ALX1: variants seen among roughly 807,000 people sequenced by gnomAD.
ALX1 encodes the protein ALX homeobox protein 1.
Under a neutral mutation model 31.7 loss-of-function variants are expected in ALX1, and 19 were observed. The ratio of observed to expected loss-of-function variants is 0.60; its 90% CI spans 0.42 to 0.88. The LOEUF (loss-of-function observed/expected upper bound fraction) is 0.88, where lower values mean the gene tolerates loss of function less well. ALX1 is among the 40% of genes least tolerant of loss of function. ALX1 has a pLI of 0.00. For synonymous variants in ALX1, 153 were observed against 148.8 expected (o/e 1.03, Z -0.20); for missense variants, 415 against 407.8 (o/e 1.02, Z -0.15).
At chr12:85,288,619 C>T (rs1320118994) in intron 3 of ALX1, among the ~76,000 whole-genome samples, 1 of 151,468 alleles carries the variant, frequency 6.6e-6, no homozygotes, top group Non-Finnish European at 1.5e-5. Context: ...CACTGTATAT[C>T]TGGGCACTGT....
At chr12:85,301,050 C>A in intron 3 of ALX1, 105 bp from the exon 4 acceptor site, 3 of 1,247,944 alleles carry the variant, frequency 2.4e-6, no homozygotes, top group South Asian at 1.3e-5. Context: ...CCAATAGGAG[C>A]AAACAATGAA....
intron 3 of ALX1, 41 bp downstream of exon 3, chr12:85,287,022 T>C (rs745925128): frequency 6.2e-7 from 1 of 1,607,410 alleles, no homozygotes; most frequent in Non-Finnish European, 8.5e-7. Flanking sequence ...GAAAAGGATA[T>C]TTGGTTTGTA....
chr12:85,292,191 A>G (rs181670289), intron 3 of ALX1, among the ~76,000 whole-genome samples: 1 of 151,116 alleles, frequency 6.6e-6, no homozygotes, highest in East Asian at 1.9e-4. Flanking sequence ...AATTAATCCA[A>G]TCTCTGAGTA....
At chr12:85,282,008 T>C (rs891321466) in intron 1 of ALX1, among the ~76,000 whole-genome samples, 4 of 152,162 alleles carry the variant, frequency 2.6e-5, no homozygotes, top group Non-Finnish European at 2.9e-5. Flanking sequence ...AACAAAGAAG[T>C]GTTAAGGAAG....
chr12:85,300,709 C>T (rs13377687), intron 3 of ALX1, among the ~76,000 whole-genome samples: 25,744 of 151,852 alleles, frequency 0.17, 3,769 homozygotes, highest in African/African-American at 0.38. Flanking sequence ...TGGTTTCCAA[C>T]GAAAACTGCC....
At chr12:85,284,018 GTC>G in intron 2 of ALX1, 142 bp downstream of exon 2, 1 of 928,636 alleles carries the variant, frequency 1.1e-6, no homozygotes, top group Non-Finnish European at 1.6e-6. Flanking sequence ...ATGAATATAT[GTC>G]TACTAAAATT....
chr12:85,290,080 C>A (rs1896799126), intron 3 of ALX1, among the ~76,000 whole-genome samples: 1 of 151,146 alleles, frequency 6.6e-6, no homozygotes, highest in Non-Finnish European at 1.5e-5. Flanking sequence ...CATAGAAATA[C>A]ATGAAAAACA....
intron 3 of ALX1, among the ~76,000 whole-genome samples, chr12:85,294,627 A>G (rs532078808): frequency 3.2e-4 from 49 of 151,204 alleles, no homozygotes; most frequent in Non-Finnish European, 6.4e-4. Flanking sequence ...AAACACATTT[A>G]TATGATGTTA....
At chr12:85,284,305 C>T (rs1227624853) in intron 2 of ALX1, among the ~76,000 whole-genome samples, 1 of 147,020 alleles carries the variant, frequency 6.8e-6, no homozygotes, top group Non-Finnish European at 1.5e-5. Context: ...GTATAATAGC[C>T]CATACATCTA....
chr12:85,299,307 C>T (rs1160979563), intron 3 of ALX1, among the ~76,000 whole-genome samples: 1 of 151,334 alleles, frequency 6.6e-6, no homozygotes, highest in Non-Finnish European at 1.5e-5. Flanking sequence ...ACATTAGCAG[C>T]CCTCTTGTTG....
At chr12:85,292,813 C>T (rs527967108) in intron 3 of ALX1, among the ~76,000 whole-genome samples, 2 of 150,834 alleles carry the variant, frequency 1.3e-5, no homozygotes, top group Non-Finnish European at 3.0e-5. Context: ...GACTTGTCTC[C>T]TTCAACCACT....
intron 1 of ALX1, among the ~76,000 whole-genome samples, chr12:85,280,948 A>T (rs2137373775): frequency 6.6e-6 from 1 of 152,248 alleles, no homozygotes; most frequent in East Asian, 1.9e-4. Context: ...ACCGGAAAAC[A>T]AAAACAAAAA....
intron 3 of ALX1, among the ~76,000 whole-genome samples, chr12:85,297,205 T>C (rs2137392435): frequency 6.6e-6 from 1 of 151,738 alleles, no homozygotes. Context: ...AGAACAAAGA[T>C]TTTATCTGCC....
intron 3 of ALX1, among the ~76,000 whole-genome samples, chr12:85,299,251 A>C (rs1341426306): frequency 6.6e-6 from 1 of 151,572 alleles, no homozygotes; most frequent in Non-Finnish European, 1.5e-5. Flanking sequence ...ATGTCAGAGG[A>C]AAATCACGCA....
chr12:85,281,154 G>T (rs1182618711), intron 1 of ALX1, among the ~76,000 whole-genome samples: 1 of 152,082 alleles, frequency 6.6e-6, no homozygotes, highest in South Asian at 2.1e-4. Context: ...ATAGCTTCGG[G>T]CAAACCATCC....
rs981716042 is a variant in ALX1, at chr12:85,280,541, T to C, written c.226+54T>C. On this transcript the variant is annotated intron_variant, in intron 1 of 3. Coordinates refer to ENST00000316824, the MANE Select transcript of ALX1 (RefSeq NM_006982.3). ...GCCGCAGCCCTTCCGCAATCGAAAA[T>C]GCAGGATCGGTCTGATCAGGCAGGG... 4 of 1,574,242 alleles carry C rather than the reference T, an allele frequency of 2.5e-6. No homozygotes were observed. The African/African-American group carries it at 4.1e-5, about 16-fold the overall frequency.
At chr12:85,280,728 T>C (rs898984636) in intron 1 of ALX1, among the ~76,000 whole-genome samples, 48 of 152,172 alleles carry the variant, frequency 3.2e-4, no homozygotes, top group Non-Finnish European at 2.2e-4. Context: ...GCGATTCTCC[T>C]TTCGCTGTAG....
At chr12:85,282,924 A>G (rs925385756) in intron 1 of ALX1, among the ~76,000 whole-genome samples, 1 of 152,030 alleles carries the variant, frequency 6.6e-6, no homozygotes, top group Non-Finnish European at 1.5e-5. Context: ...GCTTAAATCT[A>G]ATTTCCGATA....
At chr12:85,297,334 G>A (rs1306369258) in intron 3 of ALX1, among the ~76,000 whole-genome samples, 2 of 151,692 alleles carry the variant, frequency 1.3e-5, no homozygotes, top group South Asian at 4.1e-4. Flanking sequence ...AACATGATCT[G>A]AATGATACAG....
Sources: gnomAD v4.1 joint callset for allele counts (sites outside exome capture counted in the v4.1 genomes callset) on GRCh38, gnomAD v4.1.1 for gene constraint, MANE v1.5 for transcripts, NCBI Gene and HGNC (gene_info 2026-07-23, HGNC 2026-07-21) for gene names.